Variants in SCAPER observed in about 807,000 individuals in gnomAD.
The protein encoded by SCAPER is S phase cyclin A-associated protein in the endoplasmic reticulum.
A neutral mutation model predicts 182.2 loss-of-function variants in SCAPER; 98 were observed. The ratio of observed to expected loss-of-function variants is 0.54; its 90% CI spans 0.46 to 0.64. The LOEUF (loss-of-function observed/expected upper bound fraction) is 0.64, where lower values mean the gene tolerates loss of function less well. SCAPER is among the 30% of genes least tolerant of loss of function. The probability of loss-of-function intolerance (pLI) is 0.00; values close to 1 mark genes in which losing one functional copy is unlikely to be tolerated. For synonymous variants in SCAPER, 605 were observed against 564.6 expected (o/e 1.07, Z -1.01); for missense variants, 1,432 against 1,690.0 (o/e 0.85, Z 2.68).
intron 25 of SCAPER, among the ~76,000 whole-genome samples, chr15:76,450,692 T>G (rs2048316221): frequency 6.6e-6 from 1 of 152,170 alleles, no homozygotes. Context: ...TAGCTGGGAT[T>G]ACAGGCATGT....
intron 22 of SCAPER, among the ~76,000 whole-genome samples, chr15:76,618,939 G>T (rs1317607654): frequency 1.3e-5 from 2 of 152,146 alleles, no homozygotes; most frequent in African/African-American, 4.8e-5. Flanking sequence ...CCACCTCCCG[G>T]GTTCGAGCGA....
intron 5 of SCAPER, among the ~76,000 whole-genome samples, chr15:76,810,795 C>A (rs1339630785): frequency 6.6e-6 from 1 of 150,600 alleles, no homozygotes; most frequent in Non-Finnish European, 1.5e-5. Context: ...CTACAAGAAC[C>A]CCCTTAAGAT....
intron 24 of SCAPER, among the ~76,000 whole-genome samples, chr15:76,488,884 A>C (rs1027346019): frequency 2.7e-5 from 4 of 150,906 alleles, no homozygotes; most frequent in African/African-American, 4.9e-5. Context: ...GACCACACCC[A>C]GCTAATTTTT....
chr15:76,571,234 T>C (rs1268789189), intron 23 of SCAPER, among the ~76,000 whole-genome samples: 1 of 152,154 alleles, frequency 6.6e-6, no homozygotes, highest in African/African-American at 2.4e-5. Context: ...AATTACTTCT[T>C]AGCTATTTGA....
chr15:76,578,676 A>G, intron 22 of SCAPER, among the ~76,000 whole-genome samples: 1 of 152,254 alleles, frequency 6.6e-6, no homozygotes, highest in East Asian at 1.9e-4. Flanking sequence ...AAATGCAGAT[A>G]TAACTGCAGT....
chr15:76,624,521 A>AT (rs2052392653), intron 21 of SCAPER, among the ~76,000 whole-genome samples: 1 of 152,054 alleles, frequency 6.6e-6, no homozygotes, highest in Non-Finnish European at 1.5e-5. Context: ...GTTACCTTTC[A>AT]TTTTTTCTTC....
chr15:76,633,264 G>A (rs116116480), intron 21 of SCAPER, among the ~76,000 whole-genome samples: 104 of 152,248 alleles, frequency 6.8e-4, no homozygotes, highest in African/African-American at 2.2e-3. Context: ...ACCAGTGGAC[G>A]CTGCCGAACA....
At chr15:76,585,069 C>A (rs932524912) in intron 22 of SCAPER, among the ~76,000 whole-genome samples, 1 of 152,062 alleles carries the variant, frequency 6.6e-6, no homozygotes, top group Non-Finnish European at 1.5e-5. Flanking sequence ...ATCAAAAGTA[C>A]CTATACTTGA....
At chr15:76,537,650 AGGCATG>A (rs890341478) in intron 23 of SCAPER, among the ~76,000 whole-genome samples, 46 of 152,210 alleles carry the variant, frequency 3.0e-4, no homozygotes, top group Non-Finnish European at 6.6e-4. Context: ...TTCAGGACAT[AGGCATG>A]GGCAAGGACT....
chr15:76,716,312 A>G (rs1263505402), intron 17 of SCAPER, among the ~76,000 whole-genome samples: 1 of 152,152 alleles, frequency 6.6e-6, no homozygotes, highest in Non-Finnish European at 1.5e-5. Context: ...CTTCAAGTGA[A>G]AGTCATCCCC....
intron 20 of SCAPER, among the ~76,000 whole-genome samples, chr15:76,699,599 G>A (rs2058824400): frequency 6.6e-6 from 1 of 152,178 alleles, no homozygotes; most frequent in Non-Finnish European, 1.5e-5. Flanking sequence ...CTCTGCTTCT[G>A]GATGATTTCA....
chr15:76,771,965 G>T lies in SCAPER; in HGVS notation c.1036-11C>A. On this transcript the variant is annotated splice_polypyrimidine_tract_variant and intron_variant, in intron 9 of 31. Coordinates refer to ENST00000563290, the MANE Select transcript of SCAPER (RefSeq NM_020843.4). ...TGTACTCACTGTGAACTAACAAAACGTAGAGAATGAATCAGAGATAATTAA... is the reference window on the plus strand; with the variant it reads ...TGTACTCACTGTGAACTAACAAAACTTAGAGAATGAATCAGAGATAATTAA... 1 of 1,582,358 alleles carries T rather than the reference G, an allele frequency of 6.3e-7. No homozygotes were observed. Among genetic ancestry groups the T allele is most frequent in the Non-Finnish European group, 8.6e-7 (1 of 1,157,970 alleles).
Position 76,765,334 on chromosome 15 carries a change from G to C in SCAPER, c.1613+3C>G, listed in dbSNP as rs771764247. On this transcript the variant is annotated splice_donor_region_variant and intron_variant, in intron 13 of 31. Coordinates refer to ENST00000563290, the MANE Select transcript of SCAPER (RefSeq NM_020843.4). ...ATTTCAAATTAATTTTCAAATGCCA[G>C]ACCTTTTACGAGAGGGTGAAGAAAG... 6.2e-7 allele frequency: 1 copy of C among 1,604,394 alleles called. No homozygotes were observed.
At chr15:76,560,885 T>G (rs1187657118) in intron 23 of SCAPER, among the ~76,000 whole-genome samples, 1 of 152,148 alleles carries the variant, frequency 6.6e-6, no homozygotes. Flanking sequence ...AATAATGTAT[T>G]ATATTAAGGA....
chr15:76,699,726 G>T (rs937506815), intron 20 of SCAPER, among the ~76,000 whole-genome samples: 2 of 152,204 alleles, frequency 1.3e-5, no homozygotes, highest in African/African-American at 4.8e-5. Flanking sequence ...TGGTCCGCTG[G>T]CAACAACACT....
intron 21 of SCAPER, among the ~76,000 whole-genome samples, chr15:76,663,993 T>A (rs139827937): frequency 1.3e-3 from 200 of 152,164 alleles, no homozygotes; most frequent in African/African-American, 4.6e-3. Context: ...AAGCATTAGT[T>A]ACATTTAAAA....
rs540192298 is a variant in SCAPER at position 76,526,102 on chromosome 15, A to C, written c.2839-21128T>G. 1.3e-3 allele frequency among the ~76,000 whole-genome samples: 201 copies of C among 152,298 alleles called. 1 individual carries two copies. The highest frequency in any genetic ancestry group is 2.2e-3 in the Non-Finnish European group (150 of 68,002). ...ATGTGTTTTTACAATTTCTAGGTTC[A>C]TCATTTTTATATATCCTATTCCTTC... On this transcript the variant is annotated intron_variant, in intron 23 of 31. Coordinates refer to ENST00000563290, the MANE Select transcript of SCAPER (RefSeq NM_020843.4).
At chr15:76,735,064 G>C (rs1241265427) in intron 15 of SCAPER, among the ~76,000 whole-genome samples, 1 of 152,028 alleles carries the variant, frequency 6.6e-6, no homozygotes, top group Non-Finnish European at 1.5e-5. Flanking sequence ...ACTCAACCTT[G>C]GCAGGGTGCA....
intron 26 of SCAPER, among the ~76,000 whole-genome samples, chr15:76,408,195 C>G (rs1048838671): frequency 6.6e-6 from 1 of 152,128 alleles, no homozygotes; most frequent in Non-Finnish European, 1.5e-5. Context: ...TCTTTTAAAA[C>G]CCCCTTTGAA....
Sources: gnomAD v4.1 joint callset for allele counts (sites outside exome capture counted in the v4.1 genomes callset) on GRCh38, gnomAD v4.1.1 for gene constraint, MANE v1.5 for transcripts, NCBI Gene and HGNC (gene_info 2026-07-23, HGNC 2026-07-21) for gene names.